COL4A4: variants seen among roughly 807,000 people sequenced by gnomAD.
COL4A4 encodes the protein collagen alpha-4(IV) chain.
A neutral mutation model predicts 192.9 loss-of-function variants in COL4A4; 105 were observed. That is an observed-to-expected ratio of 0.54 (90% confidence interval 0.46 to 0.64). The LOEUF is 0.64. Among genes scored for constraint, COL4A4 ranks in the 30% least tolerant of loss-of-function variants. COL4A4 has a pLI of 0.00. For synonymous variants in COL4A4, 762 were observed against 769.9 expected (o/e 0.99, Z 0.17); for missense variants, 1,967 against 2,169.3 (o/e 0.91, Z 1.85).
chr2:226,991,567 A>G, the COL4A4 span, among the ~76,000 whole-genome samples: 2 of 152,234 alleles, frequency 1.3e-5, no homozygotes, highest in Non-Finnish European at 2.9e-5. Flanking sequence ...TTAGAGATGA[A>G]CAATCATACC....
the COL4A4 span, among the ~76,000 whole-genome samples, chr2:226,991,660 A>G: frequency 6.6e-6 from 1 of 152,146 alleles, no homozygotes. Flanking sequence ...TCCTTCAACA[A>G]CCCAACAAAG....
intron 35 of COL4A4, among the ~76,000 whole-genome samples, chr2:227,045,638 G>A (rs1300707305): frequency 6.7e-6 from 1 of 150,346 alleles, no homozygotes; most frequent in African/African-American, 2.5e-5. Flanking sequence ...GTGTGGTGGT[G>A]CACACCTGTA....
At chr2:227,065,780 CAG>C (rs1203631142) in intron 25 of COL4A4, among the ~76,000 whole-genome samples, 2 of 152,322 alleles carry the variant, frequency 1.3e-5, no homozygotes, top group African/African-American at 4.8e-5. Flanking sequence ...GGGGAAAAAA[CAG>C]AGCAGAAAAA....
chr2:227,107,833 C>T (rs2060944754), intron 12 of COL4A4, among the ~76,000 whole-genome samples: 1 of 148,356 alleles, frequency 6.7e-6, no homozygotes, highest in South Asian at 2.1e-4. Context: ...TCTTGGCTCA[C>T]TGCAAGCTCC....
chr2:227,041,810 A>G (rs1971136849), intron 37 of COL4A4, among the ~76,000 whole-genome samples: 1 of 24,146 alleles, frequency 4.1e-5, no homozygotes, highest in African/African-American at 2.4e-4. Context: ...GAAAGGAAGA[A>G]AGAAAGAAAG....
intron 4 of COL4A4, among the ~76,000 whole-genome samples, chr2:227,125,198 AC>A (rs1427943449): frequency 2.0e-5 from 3 of 152,016 alleles, no homozygotes; most frequent in Non-Finnish European, 4.4e-5. Flanking sequence ...CATATAAAAT[AC>A]TTTATTTTTT....
At chr2:226,988,580 A>G in the COL4A4 span, 1 of 1,382,976 alleles carries the variant, frequency 7.2e-7, no homozygotes, top group Non-Finnish European at 9.4e-7. Context: ...TGCATCAGAA[A>G]CATCAGAAGA....
intron 4 of COL4A4, among the ~76,000 whole-genome samples, chr2:227,133,013 C>T (rs2062581271): frequency 6.6e-6 from 1 of 152,198 alleles, no homozygotes; most frequent in Non-Finnish European, 1.5e-5. Flanking sequence ...TAGATTATTT[C>T]CCCCAAACTG....
chr2:227,127,873 A>T (rs1433191634), intron 4 of COL4A4, among the ~76,000 whole-genome samples: 1 of 152,268 alleles, frequency 6.6e-6, no homozygotes, highest in Non-Finnish European at 1.5e-5. Context: ...GTATAAATAA[A>T]TGAAAAACTG....
At chr2:227,087,284 T>A (rs1470198772) in intron 22 of COL4A4, among the ~76,000 whole-genome samples, 1 of 152,232 alleles carries the variant, frequency 6.6e-6, no homozygotes, top group African/African-American at 2.4e-5. Flanking sequence ...AGTATTTATA[T>A]CCCCAGCCCA....
intron 4 of COL4A4, among the ~76,000 whole-genome samples, chr2:227,125,468 C>A (rs1275186319): frequency 6.6e-6 from 1 of 151,850 alleles, no homozygotes; most frequent in East Asian, 1.9e-4. Context: ...CTTGGCCTCC[C>A]AAAGTGCTGG....
intron 4 of COL4A4, among the ~76,000 whole-genome samples, chr2:227,138,927 C>T (rs1363023568): frequency 6.6e-6 from 1 of 152,136 alleles, no homozygotes; most frequent in African/African-American, 2.4e-5. Flanking sequence ...CATGCACAGC[C>T]CCCTACAATT....
chr2:227,139,073 G>T (rs2063017488), intron 4 of COL4A4, among the ~76,000 whole-genome samples: 1 of 152,114 alleles, frequency 6.6e-6, no homozygotes, highest in South Asian at 2.1e-4. Context: ...TCATGAATTG[G>T]ATGAATGCCC....
At chr2:227,027,662 A>C (rs527239125) in intron 42 of COL4A4, among the ~76,000 whole-genome samples, 46 of 151,422 alleles carry the variant, frequency 3.0e-4, no homozygotes, top group Admixed American at 2.5e-3. Context: ...GAAAAAAATT[A>C]AAAAATAAAG....
At chr2:227,049,366 T>C (rs980705690) in intron 34 of COL4A4, among the ~76,000 whole-genome samples, 8 of 152,218 alleles carry the variant, frequency 5.3e-5, no homozygotes, top group African/African-American at 1.9e-4. Flanking sequence ...CTGCAGCCAA[T>C]TTTGCAAATA....
chr2:226,974,920 G>C, the COL4A4 span, among the ~76,000 whole-genome samples: 2 of 152,198 alleles, frequency 1.3e-5, no homozygotes, highest in Admixed American at 6.5e-5. Context: ...TTCAGGCCAT[G>C]TATCTCTTCC....
intron 4 of COL4A4, among the ~76,000 whole-genome samples, chr2:227,125,991 C>A (rs1356967529): frequency 1.3e-5 from 2 of 152,180 alleles, no homozygotes; most frequent in Non-Finnish European, 2.9e-5. Context: ...CCCACTTCTA[C>A]CCCAAGGCAA....
rs1468005068 is a variant in COL4A4 at position 227,102,775 on chromosome 2, C to T, written c.930+14G>A. ...TCTCCAAATTCACTGATGTTAACAG[C>T]AAATGATGCTTACCCGAGGCCCTGG... On this transcript the variant is annotated intron_variant, in intron 15 of 47. Transcript: ENST00000396625. 6.2e-7 allele frequency: 1 copy of T among 1,608,830 alleles called. No homozygotes were observed. The highest frequency in any genetic ancestry group is 8.5e-7 in the Non-Finnish European group (1 of 1,175,204).
chr2:226,979,017 T>C, the COL4A4 span, among the ~76,000 whole-genome samples: 1 of 152,180 alleles, frequency 6.6e-6, no homozygotes, highest in African/African-American at 2.4e-5. Context: ...TTATGGAGAA[T>C]CAGCTAAGTG....
Sources: gnomAD v4.1 joint callset for allele counts (sites outside exome capture counted in the v4.1 genomes callset) on GRCh38, gnomAD v4.1.1 for gene constraint, MANE v1.5 for transcripts, NCBI Gene and HGNC (gene_info 2026-07-23, HGNC 2026-07-21) for gene names.